The following ZCCHC14 variants were observed in gnomAD, a reference collection of about 807,000 sequenced individuals.
ZCCHC14 encodes zinc finger CCHC domain-containing protein 14.
Under a neutral mutation model 85.0 loss-of-function variants are expected in ZCCHC14, and 16 were observed. The observed-to-expected ratio is 0.19, with a 90% confidence interval of 0.13 to 0.29. ZCCHC14 has a LOEUF of 0.29. Ranked by LOEUF, ZCCHC14 falls within the 10% of genes least tolerant of loss-of-function variation. The pLI is 1.00. For missense variants in ZCCHC14, 1,303 were observed against 1,443.5 expected (o/e 0.90, Z 1.58); for synonymous variants, 775 against 630.7 (o/e 1.23, Z -3.43).
chr16:87,431,424 G>C (rs996565785), intron 3 of ZCCHC14, among the ~76,000 whole-genome samples: 3 of 142,128 alleles, frequency 2.1e-5, no homozygotes, highest in Non-Finnish European at 4.5e-5. Context: ...AGTGAGCCGA[G>C]ATCGCGTCAC....
In ZCCHC14 at chr16:87,418,854, A is replaced by T; in HGVS notation, c.1093T>A (p.Ser365Thr). 1 of 1,613,486 alleles carries T rather than the reference A, an allele frequency of 6.2e-7. No homozygotes were observed. The highest frequency in any genetic ancestry group is 2.2e-5 in the East Asian group (1 of 44,882). The change falls in exon 7 of 13, where the codon TCT (serine) becomes ACT (threonine). Residue 365 changes from serine to threonine, a missense_variant. Physicochemically the swap from Ser to Thr is moderately conservative, Grantham distance 58. This residue lies in a region of ZCCHC14 where 389 missense variants were observed against 397.8 expected (regional missense o/e 0.98). Transcript: ENST00000671377. ...LSKVGTVMGV[S>T]GRPVCGVAGI... ...ACATAGAAGATTTCTCACCTTCCAGACACGCCCATCACGGTACCTACTTTA... is the reference window on the plus strand; with the variant it reads ...ACATAGAAGATTTCTCACCTTCCAGTCACGCCCATCACGGTACCTACTTTA...
chr16:87,485,178 C>T (rs9308350), intron 1 of ZCCHC14, among the ~76,000 whole-genome samples: 50,662 of 152,146 alleles, frequency 0.33, 11,707 homozygotes, highest in African/African-American at 0.62. Context: ...CATGTGAAGA[C>T]CTGTCCTGCT....
intron 2 of ZCCHC14, among the ~76,000 whole-genome samples, chr16:87,457,475 T>G (rs1911032633): frequency 6.6e-6 from 1 of 152,206 alleles, no homozygotes; most frequent in African/African-American, 2.4e-5. Flanking sequence ...ATTAAATAGG[T>G]ATAATCAGCC....
In ZCCHC14 at chr16:87,418,921, T is replaced by G; in HGVS notation, c.1046-20A>C. 6.3e-7 allele frequency: 1 copy of G among 1,579,018 alleles called. No individual in the cohort carries two copies. Among genetic ancestry groups the G allele is most frequent in the Non-Finnish European group, 8.6e-7 (1 of 1,156,808 alleles). ...CAGGACCTATAAATTTAAAAATAAA[T>G]ACCATAAAAATTTACAGACAATGAA... On this transcript the variant is annotated intron_variant, in intron 6 of 12. Coordinates refer to ENST00000671377, the MANE Select transcript of ZCCHC14 (RefSeq NM_015144.3).
chr16:87,469,934 C>T (rs1476799741), intron 1 of ZCCHC14, among the ~76,000 whole-genome samples: 2 of 152,144 alleles, frequency 1.3e-5, no homozygotes, highest in Admixed American at 6.5e-5. Flanking sequence ...GACATGTGAT[C>T]GTCTGTTCTA....
intron 1 of ZCCHC14, among the ~76,000 whole-genome samples, chr16:87,482,484 T>G (rs904240482): frequency 6.6e-6 from 1 of 152,024 alleles, no homozygotes; most frequent in Non-Finnish European, 1.5e-5. Context: ...GAAGCCACCA[T>G]CCGGGGCAGG....
intron 2 of ZCCHC14, among the ~76,000 whole-genome samples, chr16:87,444,793 T>A (rs147148879): frequency 6.6e-5 from 10 of 152,172 alleles, no homozygotes; most frequent in African/African-American, 2.4e-4. Context: ...GGAGGCCAAA[T>A]GCACCCTGGG....
intron 2 of ZCCHC14, among the ~76,000 whole-genome samples, chr16:87,449,135 C>A (rs1910575343): frequency 6.6e-6 from 1 of 152,206 alleles, no homozygotes; most frequent in Admixed American, 6.5e-5. Context: ...ACCCACACAT[C>A]CGTGAGGAAG....
At chr16:87,485,093 C>G (rs2099477) in intron 1 of ZCCHC14, among the ~76,000 whole-genome samples, 151,334 of 152,324 alleles carry the variant, frequency 0.99, 75,190 homozygotes, top group Middle Eastern at 1. Flanking sequence ...TGGCAAGCTG[C>G]GTAGTGAATG....
chr16:87,461,872 T>C (rs75253743), intron 1 of ZCCHC14, among the ~76,000 whole-genome samples: 2,539 of 152,342 alleles, frequency 0.017, 25 homozygotes, highest in Middle Eastern at 0.048. Flanking sequence ...TCCTGGGCTG[T>C]TCATGCAGGG....
rs566337713 is a variant in ZCCHC14, at chr16:87,425,283, G to A, written c.769-1402C>T. The stretch of plus-strand genomic sequence containing the variant: ...ACCCAGAATCTTCCACACCTAAAAT[G>A]AAAATGCTTGAGGCCGGGCGCAGTG... On this transcript the variant is annotated intron_variant, in intron 3 of 12. Transcript: ENST00000671377. Among the ~76,000 whole-genome samples the A allele has an allele frequency of 4.6e-5, 7 of 152,154 alleles. 1 individual carries two copies. The South Asian group carries it at 6.2e-4, about 14-fold the overall frequency.
intron 1 of ZCCHC14, among the ~76,000 whole-genome samples, chr16:87,488,360 G>T (rs1363705053): frequency 1.3e-5 from 2 of 152,156 alleles, no homozygotes; most frequent in Non-Finnish European, 2.9e-5. Flanking sequence ...AGCATTACCG[G>T]CCACTAGGCA....
chr16:87,477,970 C>T (rs1912099086), intron 1 of ZCCHC14, among the ~76,000 whole-genome samples: 1 of 151,922 alleles, frequency 6.6e-6, no homozygotes, highest in Admixed American at 6.5e-5. Context: ...GCTCCCGAGT[C>T]CGCTGCCCAT....
chr16:87,453,510 A>G (rs1409694084), intron 2 of ZCCHC14, among the ~76,000 whole-genome samples: 1 of 152,184 alleles, frequency 6.6e-6, no homozygotes, highest in Non-Finnish European at 1.5e-5. Context: ...CTGCTCACCA[A>G]GGAGAGCGTC....
At chr16:87,482,671 G>A (rs1328477267) in intron 1 of ZCCHC14, among the ~76,000 whole-genome samples, 1 of 152,230 alleles carries the variant, frequency 6.6e-6, no homozygotes, top group East Asian at 1.9e-4. Flanking sequence ...GCAGAACGCA[G>A]GGTCCAGAAG....
intron 2 of ZCCHC14, among the ~76,000 whole-genome samples, chr16:87,458,618 C>T (rs577143662): frequency 3.9e-5 from 6 of 152,102 alleles, no homozygotes; most frequent in Non-Finnish European, 7.3e-5. Context: ...AGGTGGCTCT[C>T]GATGGCGTTG....
intron 8 of ZCCHC14, among the ~76,000 whole-genome samples, chr16:87,415,719 G>C (rs1004511224): frequency 6.6e-6 from 1 of 152,132 alleles, no homozygotes; most frequent in African/African-American, 2.4e-5. Context: ...TACATGCTTT[G>C]GGGCAGGTGA....
At chr16:87,487,073 C>A (rs1410446428) in intron 1 of ZCCHC14, among the ~76,000 whole-genome samples, 3 of 152,196 alleles carry the variant, frequency 2.0e-5, no homozygotes, top group Non-Finnish European at 4.4e-5. Context: ...CAACAGCTTA[C>A]GAAAAGCAAC....
At position 87,420,503 on chromosome 16, in the gene ZCCHC14, A is replaced by C. The variant is rs1909037000; in HGVS notation, c.950+104T>G. On this transcript the variant is annotated intron_variant, in intron 5 of 12. Transcript: ENST00000671377. This position sits in a 1 kb window ranked among gnomAD's most constrained non-coding sequence, Gnocchi z 5.0. ...CCAAGTAGAGACCCAGGTCCAGGTG[A>C]CCGCGCATCCTCCCAGAGCTCCTTG... 1 of 857,194 alleles carries C rather than the reference A, an allele frequency of 1.2e-6. No individual in the cohort carries two copies. Among genetic ancestry groups the C allele is most frequent in the Admixed American group, 2.8e-5 (1 of 35,164 alleles). 53.1% of individuals were successfully genotyped at this position (857,194 alleles called of 1,614,324 possible). A position where few individuals can be genotyped will look rare whatever the true frequency, so the allele number is the denominator to read the frequency against.
Sources: gnomAD v4.1 joint callset for allele counts (sites outside exome capture counted in the v4.1 genomes callset) on GRCh38, gnomAD v4.1.1 for gene constraint, gnomAD v4.1.1 regional missense constraint, Gnocchi (gnomAD v3.1) non-coding constraint, MANE v1.5 for transcripts, NCBI Gene and HGNC (gene_info 2026-07-23, HGNC 2026-07-21) for gene names.